Variants in HNF4G observed in about 807,000 individuals in gnomAD.
The protein encoded by HNF4G is hepatocyte nuclear factor 4-gamma.
In HNF4G, 21 loss-of-function variants were observed where a neutral mutation model predicts 50.9. The ratio of observed to expected loss-of-function variants is 0.41; its 90% CI spans 0.29 to 0.59. HNF4G has a LOEUF of 0.59. HNF4G is among the 20% of genes least tolerant of loss of function. HNF4G has a pLI of 0.26. For missense variants in HNF4G, 527 were observed against 559.4 expected, an observed-to-expected ratio of 0.94 and a Z score of 0.58; for synonymous variants, 198 against 185.6, an observed-to-expected ratio of 1.07 and a Z score of -0.54.
chr8:75,501,748 A>T (rs1265896902), intron 2 of HNF4G, among the ~76,000 whole-genome samples: 2 of 152,128 alleles, frequency 1.3e-5, no homozygotes, highest in East Asian at 3.9e-4. Context: ...GGTATACAAC[A>T]TTGGTGTTTT....
At position 75,469,438 on chromosome 8, in the gene HNF4G, A is replaced by AT. The variant is rs552560589; in HGVS notation, c.-143-20645dup. Among the ~76,000 whole-genome samples the AT allele has an allele frequency of 9.9e-5, 15 of 152,262 alleles. No homozygotes were observed. In the East Asian group the frequency reaches 2.9e-3, roughly 29 times the overall value. On this transcript the variant is annotated intron_variant, in intron 1 of 10. Transcript: ENST00000354370. Reference sequence around the variant, plus strand: ...AATCTGAGGATTCTTGGTATACATAATTTTTTGTTTGTTTTGCCATTATCA... The same window carrying AT: ...AATCTGAGGATTCTTGGTATACATAATTTTTTTGTTTGTTTTGCCATTATCA...
At chr8:75,431,690 G>A (rs528639473) in intron 1 of HNF4G, among the ~76,000 whole-genome samples, 1 of 152,178 alleles carries the variant, frequency 6.6e-6, no homozygotes, top group African/African-American at 2.4e-5. Flanking sequence ...CACTTTGGGA[G>A]GCTGAGGGGG....
At chr8:75,444,842 A>G (rs1327636709) in intron 1 of HNF4G, among the ~76,000 whole-genome samples, 2 of 92,998 alleles carry the variant, frequency 2.2e-5, no homozygotes, top group African/African-American at 5.1e-5. Context: ...AGACTTTAAC[A>G]CCCCACTGTC....
rs1255955036 is a variant in HNF4G, at chr8:75,474,943, G to A, written c.-143-15146G>A. 2.0e-5 allele frequency among the ~76,000 whole-genome samples: 3 copies of A among 152,016 alleles called. No homozygotes were observed. The East Asian group carries it at 5.8e-4, about 29-fold the overall frequency. On this transcript the variant is annotated intron_variant, in intron 1 of 10. Transcript: ENST00000354370. ...GATCTCTTGACCTCATGATCTGCCTGCCTGGACCTCCCAAAGTGCTGGGAT... is the reference window on the plus strand; with the variant it reads ...GATCTCTTGACCTCATGATCTGCCTACCTGGACCTCCCAAAGTGCTGGGAT...
intron 2 of HNF4G, among the ~76,000 whole-genome samples, chr8:75,532,054 T>A (rs942142316): frequency 1.3e-5 from 2 of 152,112 alleles, no homozygotes; most frequent in South Asian, 4.1e-4. Context: ...TTGGCTATTT[T>A]AAAATTTTTA....
intron 1 of HNF4G, among the ~76,000 whole-genome samples, chr8:75,418,127 G>A (rs533194404): frequency 6.6e-6 from 1 of 152,066 alleles, no homozygotes; most frequent in African/African-American, 2.4e-5. Flanking sequence ...AGCAGGCTTG[G>A]TGTCTTCTGA....
intron 1 of HNF4G, among the ~76,000 whole-genome samples, chr8:75,425,240 A>G (rs1221741202): frequency 6.6e-6 from 1 of 151,846 alleles, no homozygotes; most frequent in East Asian, 1.9e-4. Context: ...ACCTGCCATC[A>G]TGCCTGGCTA....
At chr8:75,546,105 C>A (rs1806769993) in intron 2 of HNF4G, among the ~76,000 whole-genome samples, 1 of 152,020 alleles carries the variant, frequency 6.6e-6, no homozygotes, top group African/African-American at 2.4e-5. Context: ...TGTCTTTATT[C>A]TTATCATTAA....
At chr8:75,484,203 A>C (rs1431154543) in intron 1 of HNF4G, among the ~76,000 whole-genome samples, 1 of 152,220 alleles carries the variant, frequency 6.6e-6, no homozygotes, top group Non-Finnish European at 1.5e-5. Flanking sequence ...AATTGTTAGA[A>C]ATGAATCACA....
intron 1 of HNF4G, among the ~76,000 whole-genome samples, chr8:75,444,523 T>C (rs1811373320): frequency 8.7e-6 from 1 of 115,350 alleles, no homozygotes. Flanking sequence ...TGTGCTGTAT[T>C]CAGGAAACCC....
intron 9 of HNF4G, 22 bp downstream of exon 9, chr8:75,560,488 C>T: frequency 1.3e-6 from 2 of 1,595,264 alleles, no homozygotes; most frequent in South Asian, 2.3e-5. Flanking sequence ...GACTACTTTT[C>T]AACCAAGATA....
chr8:75,482,549 A>G (rs368914676), intron 1 of HNF4G, among the ~76,000 whole-genome samples: 137 of 152,044 alleles, frequency 9.0e-4, no homozygotes, highest in African/African-American at 3.1e-3. Flanking sequence ...GTATCTTTTT[A>G]TAGAGATGGG....
chr8:75,516,447 T>C (rs140715983), intron 2 of HNF4G, among the ~76,000 whole-genome samples: 1 of 152,222 alleles, frequency 6.6e-6, no homozygotes, highest in Non-Finnish European at 1.5e-5. Flanking sequence ...GTGATTTTTA[T>C]TGCTTTATAT....
chr8:75,417,902 T>A (rs1810679989), intron 1 of HNF4G, among the ~76,000 whole-genome samples: 1 of 152,140 alleles, frequency 6.6e-6, no homozygotes, highest in Non-Finnish European at 1.5e-5. Flanking sequence ...TATTAATTTT[T>A]ATCTAGTTTT....
rs563723442 is a variant in HNF4G at position 75,490,519 on chromosome 8, G to C, written c.-24+311G>C. Among the ~76,000 whole-genome samples, 27 of 152,176 alleles carry C rather than the reference G, an allele frequency of 1.8e-4. No individual in the cohort carries two copies. In the East Asian group the frequency reaches 3.9e-3, roughly 22 times the overall value. On this transcript the variant is annotated intron_variant, in intron 2 of 10. Coordinates refer to the HNF4G transcript ENST00000354370. The stretch of plus-strand genomic sequence containing the variant: ...GAGCCTGGCACTGGGCACTTAATTA[G>C]CATATTCTCAAATTAGAAAGTTTGA...
At chr8:75,423,555 A>AT (rs796503362) in intron 1 of HNF4G, among the ~76,000 whole-genome samples, 18 of 150,704 alleles carry the variant, frequency 1.2e-4, no homozygotes, top group African/African-American at 2.9e-4. Flanking sequence ...CGCCTGGCTA[A>AT]TTTTTTTTGT....
At chr8:75,558,086 T>C (rs1807184361) in intron 6 of HNF4G, among the ~76,000 whole-genome samples, 2 of 152,186 alleles carry the variant, frequency 1.3e-5, no homozygotes, top group African/African-American at 4.8e-5. Flanking sequence ...ACTGTCTCAA[T>C]AGTGTATGCC....
rs1810931773 is a variant in HNF4G at position 75,428,273 on chromosome 8, C to G, written c.-144+20111C>G. Among the ~76,000 whole-genome samples the G allele has an allele frequency of 2.0e-5, 3 of 152,238 alleles. No individual in the cohort carries two copies. The South Asian group carries it at 6.2e-4, about 32-fold the overall frequency. ...AGAGTGTCAGTGTTCTCTTTCTTCACTTAGGTAAGTTACTTGGTGTTTCAC... is the reference window on the plus strand; with the variant it reads ...AGAGTGTCAGTGTTCTCTTTCTTCAGTTAGGTAAGTTACTTGGTGTTTCAC... On this transcript the variant is annotated intron_variant, in intron 1 of 10. Transcript: ENST00000354370.
chr8:75,504,001 C>T (rs1022392931), intron 2 of HNF4G, among the ~76,000 whole-genome samples: 1 of 152,024 alleles, frequency 6.6e-6, no homozygotes, highest in African/African-American at 2.4e-5. Context: ...GCAGGTGGAT[C>T]ATTTGAGGTC....
Sources: allele counts gnomAD v4.1 joint callset (sites outside exome capture counted in the v4.1 genomes callset), GRCh38; gene constraint gnomAD v4.1.1; transcripts MANE v1.5; gene names NCBI Gene and HGNC (gene_info 2026-07-23, HGNC 2026-07-21).